GRIA3: variants seen among roughly 807,000 people sequenced by gnomAD.
The protein encoded by GRIA3 is glutamate ionotropic receptor AMPA type subunit 3.
In GRIA3, 3 loss-of-function variants were observed where a neutral mutation model predicts 63.0. That is an observed-to-expected ratio of 0.05 (90% CI 0.02 to 0.12). The LOEUF is 0.12. GRIA3 is among the 10% of genes least tolerant of loss of function. The pLI is 1.00. For synonymous variants in GRIA3, 274 were observed against 257.9 expected (o/e 1.06, Z -0.60); for missense variants, 347 against 700.9 (o/e 0.50, Z 5.70).
At chrX:123,406,746 G>A (rs75770464) in intron 10 of GRIA3, among the ~76,000 whole-genome samples, 1 of 111,443 alleles carries the variant, frequency 9.0e-6, no homozygotes, top group Non-Finnish European at 1.9e-5. Context: ...TGAGATTCAA[G>A]TGAATCCAGC....
At chrX:123,219,362 A>G (rs749413926) in intron 2 of GRIA3, among the ~76,000 whole-genome samples, 2 of 111,827 alleles carry the variant, frequency 1.8e-5, no homozygotes, top group Non-Finnish European at 3.8e-5. Flanking sequence ...CTTCCTTACT[A>G]ATGTTTTAGA....
At chrX:123,381,680 G>T (rs779999704) in intron 5 of GRIA3, among the ~76,000 whole-genome samples, 1 of 111,789 alleles carries the variant, frequency 8.9e-6, no homozygotes, top group East Asian at 2.8e-4. Context: ...TGTCTCTGAA[G>T]AGGCTGTGGA....
At chrX:123,280,031 C>T (rs1277188072) in intron 3 of GRIA3, among the ~76,000 whole-genome samples, 1 of 112,348 alleles carries the variant, frequency 8.9e-6, no homozygotes, top group Non-Finnish European at 1.9e-5. Context: ...GTACTCCATT[C>T]CCAACTGTGC....
intron 12 of GRIA3, among the ~76,000 whole-genome samples, chrX:123,439,429 C>T (rs1362360178): frequency 3.6e-5 from 4 of 111,658 alleles, no homozygotes; most frequent in African/African-American, 1.3e-4. Flanking sequence ...ACTTCTATGC[C>T]TAGAGAAATC....
chrX:123,205,675 C>A (rs1331138808), intron 2 of GRIA3, among the ~76,000 whole-genome samples: 1 of 111,797 alleles, frequency 8.9e-6, no homozygotes, highest in African/African-American at 3.3e-5. Context: ...GGCCAAGTAA[C>A]CGCATGGACA....
At chrX:123,485,504 C>T (rs1354883898) in intron 15 of GRIA3, among the ~76,000 whole-genome samples, 3 of 111,545 alleles carry the variant, frequency 2.7e-5, no homozygotes, top group African/African-American at 9.8e-5. Context: ...GGCCTGATGT[C>T]CCCCAGGAAA....
At chrX:123,358,552 A>G (rs2045148212) in intron 5 of GRIA3, 1 of 112,350 alleles carries the variant, frequency 8.9e-6, no homozygotes, top group African/African-American at 3.2e-5. Flanking sequence ...GAAACAGAAG[A>G]TTTCACCAGG....
chrX:123,310,578 G>A (rs1021442859), intron 3 of GRIA3, among the ~76,000 whole-genome samples: 1 of 113,255 alleles, frequency 8.8e-6, no homozygotes, highest in Non-Finnish European at 1.9e-5. Context: ...TAATTTCCAA[G>A]TGAAATATTA....
chrX:123,314,518 C>T (rs1157430836), intron 3 of GRIA3, among the ~76,000 whole-genome samples: 1 of 111,465 alleles, frequency 9.0e-6, no homozygotes, highest in Non-Finnish European at 1.9e-5. Context: ...CAGAGGCTTG[C>T]CTATTCTGCT....
intron 10 of GRIA3, among the ~76,000 whole-genome samples, chrX:123,405,312 A>G (rs989003934): frequency 9.0e-6 from 1 of 111,384 alleles, no homozygotes; most frequent in Non-Finnish European, 1.9e-5. Flanking sequence ...ACCATGTCCT[A>G]TGAATTCTAC....
intron 2 of GRIA3, among the ~76,000 whole-genome samples, chrX:123,209,264 TA>T (rs1454950587): frequency 8.9e-6 from 1 of 111,908 alleles, no homozygotes; most frequent in Non-Finnish European, 1.9e-5. Flanking sequence ...GGGATAATAA[TA>T]TCTACTACAT....
chrX:123,363,528 G>A (rs1262828334), intron 5 of GRIA3, among the ~76,000 whole-genome samples: 2 of 112,343 alleles, frequency 1.8e-5, no homozygotes, highest in Admixed American at 9.4e-5. Flanking sequence ...CTGAATTGTC[G>A]GGCTATTCTC....
chrX:123,450,189 C>T (rs752267470), intron 12 of GRIA3, among the ~76,000 whole-genome samples: 2 of 112,275 alleles, frequency 1.8e-5, no homozygotes, highest in African/African-American at 3.2e-5. Context: ...AAACAGAAGG[C>T]ATGATCTCTA....
chrX:123,261,452 A>G (rs1427859921), intron 3 of GRIA3, among the ~76,000 whole-genome samples: 2 of 112,140 alleles, frequency 1.8e-5, no homozygotes, highest in Non-Finnish European at 3.8e-5. Flanking sequence ...CCAGAAAATG[A>G]CGATTAATTT....
At chrX:123,450,960 A>C (rs1228197640) in intron 12 of GRIA3, among the ~76,000 whole-genome samples, 1 of 112,211 alleles carries the variant, frequency 8.9e-6, no homozygotes, top group Non-Finnish European at 1.9e-5. Context: ...ACATGGGAAT[A>C]CACTTGGTAG....
intron 2 of GRIA3, among the ~76,000 whole-genome samples, chrX:123,220,979 T>C (rs1928274368): frequency 1.8e-5 from 2 of 112,321 alleles, no homozygotes; most frequent in Non-Finnish European, 3.8e-5. Flanking sequence ...AACAATTCTA[T>C]GGAGTAGATA....
intron 3 of GRIA3, among the ~76,000 whole-genome samples, chrX:123,273,851 T>C (rs1333091678): frequency 3.6e-5 from 4 of 112,321 alleles, no homozygotes; most frequent in Non-Finnish European, 7.5e-5. Context: ...AACTCACCCA[T>C]AGAGCTAATC....
intron 5 of GRIA3, chrX:123,358,498 G>A (rs2045147884): frequency 8.9e-6 from 1 of 111,853 alleles, no homozygotes; most frequent in African/African-American, 3.3e-5. Flanking sequence ...TTTCAGAGTG[G>A]ACAATGAGCT....
Position 123,188,505 on chromosome X carries a change from AC to A in GRIA3, c.268+2520del, listed in dbSNP as rs749877220. Reference sequence around the variant, plus strand: ...GTTCAGTGCTGGAGCCTGACAGGTGACCCCCAGGTTCCACTCCTCCAAATGA... The same window carrying A: ...GTTCAGTGCTGGAGCCTGACAGGTGACCCCAGGTTCCACTCCTCCAAATGA... On this transcript the variant is annotated intron_variant, in intron 2 of 15. Transcript: ENST00000620443. Among the ~76,000 whole-genome samples the A allele has an allele frequency of 1.6e-3, 181 of 110,383 alleles. 2 individuals are homozygous for A. Among genetic ancestry groups the A allele is most frequent in the African/African-American group, 5.4e-3 (163 of 30,292 alleles).
Sources: allele counts gnomAD v4.1 joint callset (sites outside exome capture counted in the v4.1 genomes callset), GRCh38; gene constraint gnomAD v4.1.1; transcripts MANE v1.5; gene names NCBI Gene and HGNC (gene_info 2026-07-23, HGNC 2026-07-21).